SALL1: variants seen among roughly 807,000 people sequenced by gnomAD.
SALL1 encodes sal-like protein 1.
SALL1 carries 10 observed loss-of-function variants against 73.1 expected under a neutral mutation model. That is an observed-to-expected ratio of 0.14 (90% CI 0.08 to 0.23). The LOEUF is 0.23. Among genes scored for constraint, SALL1 ranks in the 10% least tolerant of loss-of-function variants. SALL1 has a pLI of 1.00. For synonymous variants in SALL1, 688 were observed against 689.8 expected (o/e 1.00, Z 0.04); for missense variants, 1,520 against 1,697.3 (o/e 0.90, Z 1.84).
chr16:51,140,625 G>A lies in SALL1; in HGVS notation c.1597C>T (p.Pro533Ser). 1.9e-6 allele frequency: 3 copies of A among 1,614,168 alleles called. No homozygotes were observed. Among genetic ancestry groups the A allele is most frequent in the Admixed American group, 1.7e-5 (1 of 60,028 alleles). ...STGIPYGMSI[P>S]PEKPVTSWLD... ...CAGCTGGTGACTGGCTTCTCTGGAG[G>A]GATGGACATGCCATATGGGATGCCA... is the stretch of plus-strand genomic sequence containing the variant. The change falls in exon 2 of 3, where the codon CCT (proline) becomes TCT (serine). Residue 533 changes from proline to serine, a missense_variant. Pro to Ser is a moderately conservative substitution (Grantham distance 74). Coordinates refer to ENST00000251020, the MANE Select transcript of SALL1 (RefSeq NM_002968.3). This position sits in a 1 kb window ranked among gnomAD's most constrained non-coding sequence, Gnocchi z 5.7.
Position 51,139,752 on chromosome 16 carries a change from A to G in SALL1, c.2470T>C (p.Phe824Leu). 1 of 1,614,178 alleles carries G rather than the reference A, an allele frequency of 6.2e-7. No homozygotes were observed. Among genetic ancestry groups the G allele is most frequent in the Non-Finnish European group, 8.5e-7 (1 of 1,180,022 alleles). The change falls in exon 2 of 3, where the codon TTC (phenylalanine) becomes CTC (leucine). Residue 824 changes from phenylalanine to leucine, a missense_variant. Transcript: ENST00000251020. ...DEKNFDDLDN[F>L]SDENMEDCPE... The stretch of plus-strand genomic sequence containing the variant: ...CAGTCTTCCATGTTTTCATCAGAGA[A>G]GTTGTCTAGGTCATCAAAATTTTTC...
At chr16:51,149,071 TACTTA>T (rs1414838951) in intron 1 of SALL1, among the ~76,000 whole-genome samples, 4 of 152,128 alleles carry the variant, frequency 2.6e-5, no homozygotes, top group African/African-American at 7.2e-5. Flanking sequence ...TTGATTGAGT[TACTTA>T]ACTTACCTCA....
Sources: allele counts gnomAD v4.1 joint callset (sites outside exome capture counted in the v4.1 genomes callset), GRCh38; gene constraint gnomAD v4.1.1; non-coding constraint Gnocchi (gnomAD v3.1); transcripts MANE v1.5; gene names NCBI Gene and HGNC (gene_info 2026-07-23, HGNC 2026-07-21).